The following DCDC2C variants were observed in gnomAD, a reference collection of about 807,000 sequenced individuals.
DCDC2C encodes doublecortin domain-containing protein 2C.
A neutral mutation model predicts 45.0 loss-of-function variants in DCDC2C; 44 were observed. The ratio of observed to expected loss-of-function variants is 0.98; its 90% CI spans 0.77 to 1.26. DCDC2C has a LOEUF of 1.26. Among genes scored for constraint, DCDC2C ranks in the 50% most tolerant of loss-of-function variants. The pLI, the probability that DCDC2C is intolerant of heterozygous loss-of-function variation, is 0.00. For missense variants in DCDC2C, 447 were observed against 468.9 expected (o/e 0.95, Z 0.43); for synonymous variants, 187 against 178.8 (o/e 1.05, Z -0.37).
Position 3,742,435 on chromosome 2 carries a change from T to C in DCDC2C, c.545+387T>C, listed in dbSNP as rs577696271. Among the ~76,000 whole-genome samples, 8 of 152,050 alleles carry C rather than the reference T, an allele frequency of 5.3e-5. No homozygotes were observed. The East Asian group carries it at 1.6e-3, about 29-fold the overall frequency. ...TGGGGGAGCTGGTGTTTGGATTGAG[T>C]CTTGGCAGAGATGGGGGAAATGAAT... On this transcript the variant is annotated intron_variant, in intron 4 of 10. Transcript: ENST00000399143.
chr2:3,769,096 A>G, intron 7 of DCDC2C: 1 of 512,020 alleles, frequency 2.0e-6, no homozygotes, highest in South Asian at 2.5e-5. Flanking sequence ...CGGGGCTAAA[A>G]TCGAGGCCAC....
intron 10 of DCDC2C, among the ~76,000 whole-genome samples, chr2:3,815,716 G>A (rs1414959102): frequency 6.6e-6 from 1 of 151,926 alleles, no homozygotes; most frequent in East Asian, 1.9e-4. Context: ...TACAATCAAA[G>A]GAAGTTGTTC....
At chr2:3,709,553 C>G (rs572950347) in intron 2 of DCDC2C, among the ~76,000 whole-genome samples, 2 of 152,344 alleles carry the variant, frequency 1.3e-5, no homozygotes, top group South Asian at 4.1e-4. Context: ...TATTACTTTA[C>G]TCACCTTAAA....
At chr2:3,738,794 C>T (rs2148101416) in intron 3 of DCDC2C, among the ~76,000 whole-genome samples, 1 of 152,178 alleles carries the variant, frequency 6.6e-6, no homozygotes, top group South Asian at 2.1e-4. Flanking sequence ...AAATGAGTAC[C>T]AGGCATTCAA....
At chr2:3,836,818 C>T (rs1216873480) in intron 10 of DCDC2C, among the ~76,000 whole-genome samples, 1 of 148,264 alleles carries the variant, frequency 6.7e-6, no homozygotes, top group African/African-American at 2.5e-5. Flanking sequence ...GCCGAGATCG[C>T]GCCACTGCAC....
intron 10 of DCDC2C, among the ~76,000 whole-genome samples, chr2:3,792,034 A>C (rs1006057522): frequency 6.6e-6 from 1 of 152,162 alleles, no homozygotes; most frequent in Non-Finnish European, 1.5e-5. Context: ...TATCTGTTAC[A>C]GAAAATTGGT....
At chr2:3,750,415 C>G (rs1432499908) in intron 4 of DCDC2C, among the ~76,000 whole-genome samples, 1 of 152,126 alleles carries the variant, frequency 6.6e-6, no homozygotes, top group Non-Finnish European at 1.5e-5. Flanking sequence ...TAACCACGTC[C>G]TCTAAAAATT....
intron 3 of DCDC2C, among the ~76,000 whole-genome samples, chr2:3,738,539 GGA>G (rs1491246027): frequency 0.014 from 759 of 55,186 alleles, 69 homozygotes; most frequent in Middle Eastern, 0.062. Context: ...GGTCTATCTG[GGA>G]AAAAAAAAAA....
intron 10 of DCDC2C, among the ~76,000 whole-genome samples, chr2:3,816,506 C>A (rs911586891): frequency 3.3e-5 from 5 of 152,088 alleles, no homozygotes; most frequent in Non-Finnish European, 5.9e-5. Context: ...GCAAAGCCAG[C>A]CATTGTTTGT....
rs142198991 is a variant in DCDC2C, at chr2:3,771,708, T to C, written c.954+2297T>C. On this transcript the variant is annotated intron_variant, in intron 8 of 10. Coordinates refer to ENST00000399143, the MANE Select transcript of DCDC2C (RefSeq NM_001287444.2). The stretch of plus-strand genomic sequence containing the variant: ...AGACCCTCTGTTCCTGGGACAGTCA[T>C]GGACCGGGTGGGTGGCTGCATCCGA... Among the ~76,000 whole-genome samples, 1,468 of 152,284 alleles carry C rather than the reference T, an allele frequency of 9.6e-3. 33 individuals are homozygous for C. Among genetic ancestry groups the C allele is most frequent in the African/African-American group, 0.034 (1,400 of 41,558 alleles).
At chr2:3,841,889 A>G (rs1409800790) in intron 10 of DCDC2C, among the ~76,000 whole-genome samples, 1 of 152,048 alleles carries the variant, frequency 6.6e-6, no homozygotes, top group African/African-American at 2.4e-5. Context: ...CTTTTATGTG[A>G]TGATGAGTAT....
chr2:3,703,766 G>C lies in DCDC2C; in HGVS notation c.15G>C (p.Gly5=). MGTR[G]PSAPVDTTPA... ...GGGGCGCGGCTATGGGAACCCGCGG[G>C]CCCTCCGCGCCGGTGGACACCACGC... Residue 5 remains glycine (G), a synonymous_variant, in exon 1 of 11, where the codon GGG becomes GGC. Coordinates refer to ENST00000399143, the MANE Select transcript of DCDC2C (RefSeq NM_001287444.2). The surrounding 1 kb of genome is among the most constrained non-coding windows in gnomAD (Gnocchi z 4.4). The C allele has an allele frequency of 8.1e-7, 1 of 1,233,748 alleles. No individual in the cohort carries two copies. Among genetic ancestry groups the C allele is most frequent in the Non-Finnish European group, 1.0e-6 (1 of 987,786 alleles). The allele number at this position is 1,233,748 out of a possible 1,614,324, so 76.4% of individuals were successfully genotyped here. A position where few individuals can be genotyped will look rare whatever the true frequency, so the allele number is the denominator to read the frequency against.
At chr2:3,836,907 G>A (rs1672093582) in intron 10 of DCDC2C, among the ~76,000 whole-genome samples, 1 of 149,978 alleles carries the variant, frequency 6.7e-6, no homozygotes, top group Non-Finnish European at 1.5e-5. Flanking sequence ...TACTATCTTT[G>A]CAACTATCTT....
intron 9 of DCDC2C, among the ~76,000 whole-genome samples, chr2:3,779,159 C>T (rs1670438294): frequency 6.6e-6 from 1 of 152,236 alleles, no homozygotes; most frequent in South Asian, 2.1e-4. Context: ...ACTTTTCCCC[C>T]AGCAAGTTTC....
At chr2:3,830,823 T>G in intron 10 of DCDC2C, among the ~76,000 whole-genome samples, 1 of 152,150 alleles carries the variant, frequency 6.6e-6, no homozygotes, top group Non-Finnish European at 1.5e-5. Flanking sequence ...TTCACTACAT[T>G]TTTCTTTGCC....
chr2:3,720,630 A>G (rs1668474624), intron 2 of DCDC2C, among the ~76,000 whole-genome samples: 1 of 152,240 alleles, frequency 6.6e-6, no homozygotes, highest in South Asian at 2.1e-4. Flanking sequence ...TGGACTGGGC[A>G]GGACATTCTC....
chr2:3,831,078 G>A (rs780700630), intron 10 of DCDC2C, among the ~76,000 whole-genome samples: 6 of 152,022 alleles, frequency 3.9e-5, no homozygotes, highest in Non-Finnish European at 7.4e-5. Context: ...ATCAAAGATC[G>A]TGTGCTTTGG....
In DCDC2C at chr2:3,767,895, C is replaced by A. The variant is rs186071564; in HGVS notation, c.853+15C>A. On this transcript the variant is annotated intron_variant, in intron 7 of 10. Coordinates refer to ENST00000399143, the MANE Select transcript of DCDC2C (RefSeq NM_001287444.2). ...AAGGGGTGCAGGTGACGTGCAGTTT[C>A]ATTCTGCTGTAGGCAGTTCGAAACT... 1.3e-6 allele frequency: 2 copies of A among 1,490,928 alleles called. No individual in the cohort carries two copies. Among genetic ancestry groups the A allele is most frequent in the Admixed American group, 2.6e-5 (1 of 38,424 alleles). 92.4% of individuals were successfully genotyped at this position (1,490,928 alleles called of 1,614,324 possible).
intron 1 of DCDC2C, 174 bp downstream of exon 1, chr2:3,704,212 GT>G: frequency 3.6e-6 from 2 of 559,540 alleles, no homozygotes; most frequent in Non-Finnish European, 2.7e-6. Flanking sequence ...AGGCCACGTG[GT>G]TTCCTGGGGG....
Sources: gnomAD v4.1 joint callset for allele counts (sites outside exome capture counted in the v4.1 genomes callset) on GRCh38, gnomAD v4.1.1 for gene constraint, Gnocchi (gnomAD v3.1) non-coding constraint, MANE v1.5 for transcripts, NCBI Gene and HGNC (gene_info 2026-07-23, HGNC 2026-07-21) for gene names.